The following NEDD4L variants were observed in gnomAD, a reference collection of about 807,000 sequenced individuals.
NEDD4L encodes NEDD4 like E3 ubiquitin protein ligase.
NEDD4L carries 54 observed loss-of-function variants against 148.9 expected under a neutral mutation model. The ratio of observed to expected loss-of-function variants is 0.36; its 90% CI spans 0.29 to 0.45. The LOEUF is 0.45. Ranked by LOEUF, NEDD4L falls within the 20% of genes least tolerant of loss-of-function variation. The pLI is 1.00. For synonymous variants in NEDD4L, 433 were observed against 440.7 expected (o/e 0.98, Z 0.22); for missense variants, 856 against 1,233.8 (o/e 0.69, Z 4.59).
Position 58,330,925 on chromosome 18 carries a change from G to A in NEDD4L, c.990+11G>A. On this transcript the variant is annotated intron_variant, in intron 11 of 30. Coordinates refer to ENST00000400345, the MANE Select transcript of NEDD4L (RefSeq NM_001144967.3). ...TTCAGCTCTTTGATTGTAAGTAGTG[G>A]CCTTGTTTGAAAGAAAAGCTGAGCA... 1 of 1,611,152 alleles carries A rather than the reference G, an allele frequency of 6.2e-7. No homozygotes were observed. The highest frequency in any genetic ancestry group is 8.5e-7 in the Non-Finnish European group (1 of 1,178,048).
chr18:58,293,912 G>A (rs1488885286), intron 5 of NEDD4L, among the ~76,000 whole-genome samples: 2 of 151,870 alleles, frequency 1.3e-5, no homozygotes, highest in African/African-American at 4.9e-5. Context: ...TTGTAGAGAT[G>A]GATTCTCACT....
chr18:58,150,869 C>T (rs1293848283), intron 1 of NEDD4L, among the ~76,000 whole-genome samples: 3 of 151,994 alleles, frequency 2.0e-5, no homozygotes, highest in South Asian at 2.1e-4. Context: ...GGGGGCGGGT[C>T]GTACCATGAC....
intron 2 of NEDD4L, chr18:58,195,745 C>T (rs142508613): frequency 3.7e-6 from 5 of 1,341,020 alleles, no homozygotes; most frequent in South Asian, 2.3e-5. Context: ...TAAGTGCCAC[C>T]GAAGGTTCCG....
intron 1 of NEDD4L, among the ~76,000 whole-genome samples, chr18:58,069,248 G>A (rs1304698474): frequency 1.3e-5 from 2 of 151,722 alleles, no homozygotes; most frequent in East Asian, 3.9e-4. Context: ...AGCTCCTCAT[G>A]CCCTTCCTCA....
chr18:58,211,613 A>G (rs1234000295), intron 2 of NEDD4L, among the ~76,000 whole-genome samples: 2 of 152,210 alleles, frequency 1.3e-5, no homozygotes, highest in Non-Finnish European at 2.9e-5. Context: ...TTTCTCTTTA[A>G]TTGAATAAAA....
At chr18:58,299,589 T>C (rs1369964776) in intron 5 of NEDD4L, among the ~76,000 whole-genome samples, 1 of 152,254 alleles carries the variant, frequency 6.6e-6, no homozygotes, top group Non-Finnish European at 1.5e-5. Flanking sequence ...AGTTATCTTC[T>C]ATGGATGGGT....
chr18:58,341,820 CT>C, intron 15 of NEDD4L, 23 bp downstream of exon 15: 1 of 1,606,262 alleles, frequency 6.2e-7, no homozygotes, highest in Non-Finnish European at 8.5e-7. Flanking sequence ...CCTCATCTAA[CT>C]GGACTCACTC....
chr18:58,378,258 G>T (rs937199449), intron 24 of NEDD4L, among the ~76,000 whole-genome samples: 9 of 152,236 alleles, frequency 5.9e-5, no homozygotes, highest in African/African-American at 1.9e-4. Flanking sequence ...TTCCACAGGT[G>T]TACTGTGGAT....
At position 58,069,069 on chromosome 18, in the gene NEDD4L, G is replaced by A. The variant is rs2082743419; in HGVS notation, c.48+24361G>A. 2.7e-5 allele frequency among the ~76,000 whole-genome samples: 4 copies of A among 150,372 alleles called. No homozygotes were observed. The Admixed American group carries it at 2.7e-4, about 10-fold the overall frequency. On this transcript the variant is annotated intron_variant, in intron 1 of 30. Coordinates refer to ENST00000400345, the MANE Select transcript of NEDD4L (RefSeq NM_001144967.3). ...AAGAATCGCTTGAACCTGGGAGGTG[G>A]AGGTTGCAGTGAGCCAAGATCGTAC...
chr18:58,388,174 G>C (rs888776219), intron 27 of NEDD4L: 2 of 152,298 alleles, frequency 1.3e-5, no homozygotes, highest in African/African-American at 4.8e-5. Flanking sequence ...CCTTTGTTGT[G>C]TCGAGAGAAA....
At chr18:58,188,109 G>T (rs148668632) in intron 2 of NEDD4L, among the ~76,000 whole-genome samples, 1 of 152,194 alleles carries the variant, frequency 6.6e-6, no homozygotes, top group Non-Finnish European at 1.5e-5. Context: ...GGGGATGTGC[G>T]GCCAACGCCT....
At position 58,256,175 on chromosome 18, in the gene NEDD4L, C is replaced by A. The variant is rs1464995036; in HGVS notation, c.297+4121C>A. 32 of 1,217,506 alleles carry A rather than the reference C, an allele frequency of 2.6e-5. No individual in the cohort carries two copies. The Middle Eastern group carries it at 1.6e-3, about 61-fold the overall frequency. 75.4% of individuals were successfully genotyped at this position (1,217,506 alleles called of 1,614,324 possible). A position where few individuals can be genotyped will look rare whatever the true frequency, so the allele number is the denominator to read the frequency against. On this transcript the variant is annotated intron_variant, in intron 5 of 30. Coordinates refer to ENST00000400345, the MANE Select transcript of NEDD4L (RefSeq NM_001144967.3). The surrounding 1 kb of genome is among the most constrained non-coding windows in gnomAD (Gnocchi z 5.2). ...CGGCCGCCGCGTGCGGTGCTCCGGC[C>A]CCGTGGACTGCGCGGAGGAGGCTGC...
chr18:58,113,894 T>TC (rs1014725793), intron 1 of NEDD4L, among the ~76,000 whole-genome samples: 5 of 152,056 alleles, frequency 3.3e-5, no homozygotes, highest in Non-Finnish European at 5.9e-5. Context: ...TCATGGGTCT[T>TC]CCTGCCCAAG....
In NEDD4L at chr18:58,350,493, G is replaced by A. The variant is rs371075654; in HGVS notation, c.1654-498G>A. ...TAGTTCAGATAATGAGGGCATACCA[G>A]CTTTATCTTGAAAAAATTCTCCAAA... is the stretch of plus-strand genomic sequence containing the variant. On this transcript the variant is annotated intron_variant, in intron 17 of 30. Transcript: ENST00000400345. Among the ~76,000 whole-genome samples, 4 of 152,286 alleles carry A rather than the reference G, an allele frequency of 2.6e-5. No individual in the cohort carries two copies. In the East Asian group the frequency reaches 7.7e-4, roughly 29 times the overall value.
intron 1 of NEDD4L, among the ~76,000 whole-genome samples, chr18:58,083,004 G>A (rs1006597653): frequency 3.3e-5 from 5 of 152,056 alleles, no homozygotes; most frequent in Non-Finnish European, 5.9e-5. Context: ...AGTCAAAAGC[G>A]TATACATTCT....
chr18:58,058,504 G>A (rs919155179), intron 1 of NEDD4L, among the ~76,000 whole-genome samples: 24 of 152,174 alleles, frequency 1.6e-4, no homozygotes, highest in African/African-American at 5.3e-4. Flanking sequence ...GTTTCTTGTA[G>A]CGCATCTTCT....
intron 1 of NEDD4L, among the ~76,000 whole-genome samples, chr18:58,057,339 A>G (rs1452914531): frequency 6.6e-6 from 1 of 152,130 alleles, no homozygotes; most frequent in Non-Finnish European, 1.5e-5. Context: ...AAGAAAGAAC[A>G]GGATGACTAC....
chr18:58,173,516 C>G (rs1308808731), intron 2 of NEDD4L, among the ~76,000 whole-genome samples: 1 of 152,226 alleles, frequency 6.6e-6, no homozygotes, highest in African/African-American at 2.4e-5. Context: ...GAAAGTCCTT[C>G]TGCTGCCTAG....
chr18:58,316,576 G>T (rs746906529), intron 6 of NEDD4L, among the ~76,000 whole-genome samples: 3 of 152,198 alleles, frequency 2.0e-5, no homozygotes, highest in Admixed American at 6.5e-5. Flanking sequence ...ACCCACCCTC[G>T]CTGGAACACG....
Sources: allele counts gnomAD v4.1 joint callset (sites outside exome capture counted in the v4.1 genomes callset), GRCh38; gene constraint gnomAD v4.1.1; non-coding constraint Gnocchi (gnomAD v3.1); transcripts MANE v1.5; gene names NCBI Gene and HGNC (gene_info 2026-07-23, HGNC 2026-07-21).